Variants in SFXN1 observed in about 807,000 individuals in gnomAD.
The protein encoded by SFXN1 is sideroflexin-1.
Under a neutral mutation model 39.5 loss-of-function variants are expected in SFXN1, and 32 were observed. The observed-to-expected ratio is 0.81, with a 90% CI of 0.61 to 1.09. SFXN1 has a LOEUF of 1.09. Among genes scored for constraint, SFXN1 ranks in the 50% least tolerant of loss-of-function variants. The probability of loss-of-function intolerance (pLI) is 0.00; values close to 1 mark genes in which losing one functional copy is unlikely to be tolerated. For synonymous variants in SFXN1, 136 were observed against 146.5 expected (o/e 0.93, Z 0.52); for missense variants, 402 against 407.1 (o/e 0.99, Z 0.11).
rs1024483544 is a variant in SFXN1 at position 175,513,457 on chromosome 5, C to T, written c.597-6C>T. On this transcript the variant is annotated splice_polypyrimidine_tract_variant and splice_region_variant and intron_variant, in intron 6 of 10. Transcript: ENST00000321442. ...TGGAGCTCTCTGTATGTGTTTTGCT[C>T]TGCAGGGAACTCAAAGTTGGCATTC... 6 of 1,613,498 alleles carry T rather than the reference C, an allele frequency of 3.7e-6. No homozygotes were observed. Among genetic ancestry groups the T allele is most frequent in the Non-Finnish European group, 5.1e-6 (6 of 1,179,688 alleles).
chr5:175,488,916 T>A (rs1047610387), intron 1 of SFXN1, among the ~76,000 whole-genome samples: 2 of 152,324 alleles, frequency 1.3e-5, no homozygotes, highest in East Asian at 3.9e-4. Context: ...ATTTACTGCC[T>A]TCTAATATAA....
At chr5:175,515,425 A>T (rs772633051) in intron 7 of SFXN1, among the ~76,000 whole-genome samples, 9 of 152,214 alleles carry the variant, frequency 5.9e-5, no homozygotes, top group Non-Finnish European at 1.3e-4. Context: ...AACACTATTT[A>T]GTCCCCAGAG....
intron 7 of SFXN1, among the ~76,000 whole-genome samples, chr5:175,514,920 A>G (rs1269179211): frequency 6.6e-6 from 1 of 152,220 alleles, no homozygotes; most frequent in Non-Finnish European, 1.5e-5. Flanking sequence ...AAAGGAGGCT[A>G]TGGAGCCCAC....
chr5:175,489,222 C>T (rs949220477), intron 1 of SFXN1, among the ~76,000 whole-genome samples: 2 of 152,140 alleles, frequency 1.3e-5, no homozygotes, highest in Non-Finnish European at 2.9e-5. Context: ...CTTATTGGCT[C>T]ATTCAGAAAT....
intron 7 of SFXN1, chr5:175,513,869 G>T: frequency 3.6e-6 from 1 of 280,278 alleles, no homozygotes; most frequent in East Asian, 7.3e-5. Context: ...GAATATTCTG[G>T]CAGAGGGAAC....
At chr5:175,481,471 G>A (rs748565169) in intron 1 of SFXN1, among the ~76,000 whole-genome samples, 6 of 152,170 alleles carry the variant, frequency 3.9e-5, no homozygotes, top group Admixed American at 6.5e-5. Flanking sequence ...GCAGGTGCGT[G>A]CCACCATGCG....
intron 6 of SFXN1, 77 bp from the exon 7 acceptor site, chr5:175,513,386 C>A (rs1581315244): frequency 7.1e-7 from 1 of 1,407,056 alleles, no homozygotes; most frequent in Non-Finnish European, 9.6e-7. Flanking sequence ...GAGGGTTGAT[C>A]TTTCCCAACA....
intron 2 of SFXN1, among the ~76,000 whole-genome samples, chr5:175,503,145 G>C (rs187038403): frequency 1.6e-4 from 25 of 152,254 alleles, no homozygotes; most frequent in Middle Eastern, 3.4e-3. Context: ...CCACAATTCC[G>C]GGGCGGTTAC....
At chr5:175,488,227 TCATCTCC>T (rs1406244438) in intron 1 of SFXN1, among the ~76,000 whole-genome samples, 1 of 152,066 alleles carries the variant, frequency 6.6e-6, no homozygotes, top group Non-Finnish European at 1.5e-5. Flanking sequence ...TCTTACCTCC[TCATCTCC>T]CATCTCCCAC....
rs192628911 is a variant in SFXN1 at position 175,495,687 on chromosome 5, C to T, written c.164+3420C>T. On this transcript the variant is annotated intron_variant, in intron 2 of 10. Coordinates refer to ENST00000321442, the MANE Select transcript of SFXN1 (RefSeq NM_022754.7). ...GAGGTTGCAGTGACTTGAGATCGCA[C>T]CACTGCACTCCAGCCTGGGCAACAG... Among the ~76,000 whole-genome samples the T allele has an allele frequency of 5.2e-3, 786 of 150,546 alleles. 5 individuals carry two copies. The highest frequency in any genetic ancestry group is 0.018 in the African/African-American group (734 of 40,984).
Position 175,509,086 on chromosome 5 carries a change from C to T in SFXN1, c.219C>T (p.Tyr73=), listed in dbSNP as rs368781215. 1.2e-6 allele frequency: 2 copies of T among 1,613,758 alleles called. No individual in the cohort carries two copies. The highest frequency in any genetic ancestry group is 1.1e-5 in the South Asian group (1 of 91,000). The stretch of plus-strand genomic sequence containing the variant: ...AAAATGAATTGTGGAGAGCAAAGTA[C>T]ATCTATGATTCAGCTTTTCATCCTG... The part of the protein sequence containing the change: ...LTENELWRAK[Y]IYDSAFHPDT... Residue 73 remains tyrosine, a synonymous_variant, in exon 3 of 11, where the codon TAC becomes TAT. Coordinates refer to ENST00000321442, the MANE Select transcript of SFXN1 (RefSeq NM_022754.7).
At chr5:175,514,344 T>A (rs1030244444) in intron 7 of SFXN1, among the ~76,000 whole-genome samples, 27 of 152,138 alleles carry the variant, frequency 1.8e-4, no homozygotes, top group African/African-American at 6.0e-4. Flanking sequence ...GGGGTCAGAA[T>A]GACCAAAAAT....
chr5:175,499,545 T>G (rs1206832917), intron 2 of SFXN1, among the ~76,000 whole-genome samples: 1 of 152,146 alleles, frequency 6.6e-6, no homozygotes, highest in African/African-American at 2.4e-5. Context: ...ATCAGTAGAC[T>G]AAAACAGAAA....
chr5:175,517,318 T>C (rs1289739070), intron 8 of SFXN1, among the ~76,000 whole-genome samples: 1 of 152,138 alleles, frequency 6.6e-6, no homozygotes, highest in Non-Finnish European at 1.5e-5. Flanking sequence ...TTGCTTGATA[T>C]TGTACCCTTT....
At position 175,515,158 on chromosome 5, in the gene SFXN1, A is replaced by G. The variant is rs142736045; in HGVS notation, c.725-1456A>G. On this transcript the variant is annotated intron_variant, in intron 7 of 10. Coordinates refer to ENST00000321442, the MANE Select transcript of SFXN1 (RefSeq NM_022754.7). Reference sequence around the variant, plus strand: ...CAGCTTCCCCAGTAGCTGGGACTACAGGCGTGCGCCACCACACCCAGCTGA... The same window carrying G: ...CAGCTTCCCCAGTAGCTGGGACTACGGGCGTGCGCCACCACACCCAGCTGA... 2.0e-5 allele frequency among the ~76,000 whole-genome samples: 3 copies of G among 152,308 alleles called. No homozygotes were observed. The East Asian group carries it at 5.8e-4, about 29-fold the overall frequency.
intron 2 of SFXN1, among the ~76,000 whole-genome samples, chr5:175,492,972 C>T (rs928636226): frequency 5.9e-5 from 9 of 152,042 alleles, no homozygotes; most frequent in East Asian, 1.9e-4. Context: ...ATGTAAAAAC[C>T]GCTGGGCACG....
At position 175,526,837 on chromosome 5, in the gene SFXN1, A is replaced by G; in HGVS notation, c.*103A>G. The G allele has an allele frequency of 2.1e-6, 2 of 950,196 alleles. No homozygotes were observed. Among genetic ancestry groups the G allele is most frequent in the African/African-American group, 1.6e-5 (1 of 61,198 alleles). 58.9% of individuals were successfully genotyped at this position (950,196 alleles called of 1,614,324 possible). A position where few individuals can be genotyped will look rare whatever the true frequency, so the allele number is the denominator to read the frequency against. Reference sequence around the variant, plus strand: ...AACCTGGGTTCTCCCAGTTACGGAAACCTTTTAAAGATCCACATTAGCCTT... The same window carrying G: ...AACCTGGGTTCTCCCAGTTACGGAAGCCTTTTAAAGATCCACATTAGCCTT... On this transcript the variant is annotated 3_prime_UTR_variant, in exon 11 of 11. Transcript: ENST00000321442.
At chr5:175,511,766 C>A (rs1421548823) in intron 5 of SFXN1, among the ~76,000 whole-genome samples, 1 of 152,096 alleles carries the variant, frequency 6.6e-6, no homozygotes, top group Admixed American at 6.5e-5. Context: ...AAATGTTCAC[C>A]CATCCTGACA....
At chr5:175,480,803 C>A (rs1759220667) in intron 1 of SFXN1, among the ~76,000 whole-genome samples, 1 of 152,200 alleles carries the variant, frequency 6.6e-6, no homozygotes, top group Non-Finnish European at 1.5e-5. Context: ...CATCTGTATC[C>A]TGTTGTGTAG....
Sources: gnomAD v4.1 joint callset for allele counts (sites outside exome capture counted in the v4.1 genomes callset) on GRCh38, gnomAD v4.1.1 for gene constraint, MANE v1.5 for transcripts, NCBI Gene and HGNC (gene_info 2026-07-23, HGNC 2026-07-21) for gene names.